ZNF704: variants seen among roughly 807,000 people sequenced by gnomAD.
ZNF704 encodes the protein zinc finger protein 704, also known as glucocorticoid induced gene 1.
A neutral mutation model predicts 44.7 loss-of-function variants in ZNF704; 10 were observed. That is an observed-to-expected ratio of 0.22 (90% confidence interval 0.14 to 0.38). The LOEUF (loss-of-function observed/expected upper bound fraction) is 0.38, where lower values mean the gene tolerates loss of function less well. Among genes scored for constraint, ZNF704 ranks in the 10% least tolerant of loss-of-function variants. The probability of loss-of-function intolerance (pLI) is 1.00; values close to 1 mark genes in which losing one functional copy is unlikely to be tolerated. For missense variants in ZNF704, 390 were observed against 545.5 expected (o/e 0.71, Z 2.84); for synonymous variants, 211 against 207.6 (o/e 1.02, Z -0.14).
At chr8:80,742,209 C>T (rs576927985) in intron 2 of ZNF704, among the ~76,000 whole-genome samples, 6 of 152,194 alleles carry the variant, frequency 3.9e-5, no homozygotes, top group East Asian at 3.9e-4. Flanking sequence ...AGCTGCAAGG[C>T]GGGACCCTCC....
intron 2 of ZNF704, among the ~76,000 whole-genome samples, chr8:80,746,952 T>C (rs1346152569): frequency 1.3e-5 from 2 of 152,180 alleles, no homozygotes; most frequent in Admixed American, 6.5e-5. Context: ...AGCAGCACTA[T>C]TTCTATTTTA....
intron 1 of ZNF704, among the ~76,000 whole-genome samples, chr8:80,845,227 C>T (rs1808749468): frequency 6.6e-6 from 1 of 152,180 alleles, no homozygotes; most frequent in African/African-American, 2.4e-5. Context: ...GAGGTCCTTG[C>T]AAACACTGAG....
chr8:80,868,410 T>G (rs968942974), intron 1 of ZNF704, among the ~76,000 whole-genome samples: 4 of 152,232 alleles, frequency 2.6e-5, no homozygotes, highest in Non-Finnish European at 5.9e-5. Flanking sequence ...CTCTGTTTCC[T>G]CAGCCCTCTC....
chr8:80,687,126 G>T (rs73693804), intron 4 of ZNF704, 100 bp downstream of exon 4: 46 of 925,560 alleles, frequency 5.0e-5, no homozygotes, highest in Non-Finnish European at 2.5e-5. Flanking sequence ...CCACAGAAAG[G>T]GGGTGTAGGT....
At chr8:80,732,565 T>A (rs942706315) in intron 2 of ZNF704, among the ~76,000 whole-genome samples, 1 of 152,222 alleles carries the variant, frequency 6.6e-6, no homozygotes, top group African/African-American at 2.4e-5. Context: ...GCCACCCATA[T>A]GAGGGAGCTC....
intron 2 of ZNF704, among the ~76,000 whole-genome samples, chr8:80,802,587 A>T (rs186960127): frequency 6.6e-6 from 1 of 151,932 alleles, no homozygotes; most frequent in Non-Finnish European, 1.5e-5. Context: ...AAAGACAAAA[A>T]ACACAAAATT....
chr8:80,861,949 A>G (rs1403217584), intron 1 of ZNF704, among the ~76,000 whole-genome samples: 2 of 151,412 alleles, frequency 1.3e-5, no homozygotes, highest in Non-Finnish European at 2.9e-5. Flanking sequence ...ACTAAAGTTC[A>G]ATAAAATAGC....
intron 1 of ZNF704, among the ~76,000 whole-genome samples, chr8:80,838,313 T>C (rs1405037706): frequency 6.6e-6 from 1 of 152,196 alleles, no homozygotes; most frequent in African/African-American, 2.4e-5. Flanking sequence ...AGTTGGAGAA[T>C]ATACTTCTGA....
chr8:80,734,923 T>G (rs80157878), intron 2 of ZNF704, among the ~76,000 whole-genome samples: 2,097 of 152,336 alleles, frequency 0.014, 24 homozygotes, highest in Middle Eastern at 0.058. Flanking sequence ...CTATTATGTC[T>G]CAGATTTGTT....
intron 4 of ZNF704, among the ~76,000 whole-genome samples, chr8:80,680,744 A>C (rs1460920916): frequency 6.6e-6 from 1 of 152,140 alleles, no homozygotes; most frequent in Non-Finnish European, 1.5e-5. Flanking sequence ...ATGTTGCCTT[A>C]CCTTTTGGGG....
At chr8:80,850,401 C>A (rs542535601) in intron 1 of ZNF704, among the ~76,000 whole-genome samples, 6 of 152,022 alleles carry the variant, frequency 3.9e-5, no homozygotes, top group Non-Finnish European at 5.9e-5. Flanking sequence ...AATTTCCCCC[C>A]AAAAAAACTT....
At chr8:80,682,543 C>T (rs1415753520) in intron 4 of ZNF704, among the ~76,000 whole-genome samples, 4 of 152,214 alleles carry the variant, frequency 2.6e-5, no homozygotes, top group African/African-American at 9.6e-5. Flanking sequence ...TCACCCAGTG[C>T]ATTGCAGGGG....
intron 2 of ZNF704, among the ~76,000 whole-genome samples, chr8:80,702,849 A>C (rs899844836): frequency 6.6e-6 from 1 of 152,092 alleles, no homozygotes; most frequent in East Asian, 1.9e-4. Context: ...GGCGAGGCTG[A>C]TGTCATCCGG....
intron 7 of ZNF704, among the ~76,000 whole-genome samples, chr8:80,653,545 AACAG>A (rs904067080): frequency 2.6e-4 from 38 of 148,924 alleles, no homozygotes; most frequent in South Asian, 6.3e-4. Context: ...TAAAACCAAT[AACAG>A]ACAAACAGAG....
intron 2 of ZNF704, among the ~76,000 whole-genome samples, chr8:80,767,346 T>C (rs1282186621): frequency 2.6e-5 from 4 of 151,934 alleles, no homozygotes; most frequent in African/African-American, 9.7e-5. Flanking sequence ...GAGAAACACA[T>C]GGCCACCAGT....
the ZNF704 span, among the ~76,000 whole-genome samples, chr8:80,881,565 C>T: frequency 6.6e-6 from 1 of 152,170 alleles, no homozygotes; most frequent in Non-Finnish European, 1.5e-5. Flanking sequence ...CTGCTAACCT[C>T]TGGGGAGGTG....
At chr8:80,855,859 A>G (rs1023064380) in intron 1 of ZNF704, among the ~76,000 whole-genome samples, 3 of 152,238 alleles carry the variant, frequency 2.0e-5, no homozygotes, top group African/African-American at 7.2e-5. Flanking sequence ...AACAAACTGC[A>G]TTCACTTGGT....
At chr8:80,793,653 CCTTT>C (rs757511456) in intron 2 of ZNF704, among the ~76,000 whole-genome samples, 32 of 151,888 alleles carry the variant, frequency 2.1e-4, no homozygotes, top group African/African-American at 3.4e-4. Context: ...CTTTCTATTT[CCTTT>C]CTTTATCTAT....
intron 2 of ZNF704, among the ~76,000 whole-genome samples, chr8:80,778,971 A>G (rs1328639594): frequency 6.6e-6 from 1 of 152,122 alleles, no homozygotes; most frequent in African/African-American, 2.4e-5. Flanking sequence ...AAGTTTACTT[A>G]CATAACAAAT....
Sources: gnomAD v4.1 joint callset for allele counts (sites outside exome capture counted in the v4.1 genomes callset) on GRCh38, gnomAD v4.1.1 for gene constraint, MANE v1.5 for transcripts, NCBI Gene and HGNC (gene_info 2026-07-23, HGNC 2026-07-21) for gene names.